The following TNRC6C variants were observed in gnomAD, a reference collection of about 807,000 sequenced individuals.
TNRC6C encodes trinucleotide repeat containing adaptor 6C.
A neutral mutation model predicts 153.7 loss-of-function variants in TNRC6C; 20 were observed. The ratio of observed to expected loss-of-function variants is 0.13; its 90% CI spans 0.09 to 0.19. The LOEUF (loss-of-function observed/expected upper bound fraction) is 0.19, where lower values mean the gene tolerates loss of function less well. Among genes scored for constraint, TNRC6C ranks in the 10% least tolerant of loss-of-function variants. The pLI is 1.00. For synonymous variants in TNRC6C, 811 were observed against 841.4 expected (o/e 0.96, Z 0.63); for missense variants, 1,987 against 2,172.0 (o/e 0.91, Z 1.69).
At chr17:77,989,632 G>T (rs2071220819) in intron 1 of TNRC6C, among the ~76,000 whole-genome samples, 1 of 152,114 alleles carries the variant, frequency 6.6e-6, no homozygotes, top group African/African-American at 2.4e-5. Flanking sequence ...GTTTGTATTT[G>T]TTTACCCACT....
At chr17:78,108,041 G>C (rs554678357) in exon 20 of TNRC6C, 1 of 152,216 alleles carries the variant, frequency 6.6e-6, no homozygotes, top group South Asian at 2.1e-4. Context: ...GACACTGGCC[G>C]TGGCCTTCAG....
chr17:78,000,348 C>G (rs1482709053), upstream of TNRC6C, among the ~76,000 whole-genome samples: 2 of 152,132 alleles, frequency 1.3e-5, no homozygotes, highest in African/African-American at 2.4e-5. Context: ...ACTATTTTGT[C>G]TTATCCTTCT....
chr17:78,077,579 C>A, intron 9 of TNRC6C: 1 of 553,774 alleles, frequency 1.8e-6, no homozygotes, highest in Non-Finnish European at 3.2e-6. Context: ...CTCTCAGCAC[C>A]CTTGGTGCTA....
intron 2 of TNRC6C, among the ~76,000 whole-genome samples, chr17:78,047,637 T>C (rs1426286643): frequency 6.6e-6 from 1 of 152,192 alleles, no homozygotes; most frequent in Non-Finnish European, 1.5e-5. Context: ...GTCCATACGA[T>C]TTTTCTTGTT....
At chr17:77,998,024 T>G (rs2071356511) in intron 1 of TNRC6C, among the ~76,000 whole-genome samples, 1 of 152,322 alleles carries the variant, frequency 6.6e-6, no homozygotes, top group African/African-American at 2.4e-5. Context: ...TTAAAGTTTA[T>G]TTGCAGTACC....
intron 1 of TNRC6C, among the ~76,000 whole-genome samples, chr17:77,994,484 C>T (rs2071298115): frequency 6.6e-6 from 1 of 152,194 alleles, no homozygotes; most frequent in African/African-American, 2.4e-5. Context: ...ACTGAATCCA[C>T]ACAGTTAACA....
rs1489926034 is a variant in TNRC6C at position 78,075,092 on chromosome 17, CACTT to C, written c.2918-43_2918-40del. 2.5e-6 allele frequency: 4 copies of C among 1,602,620 alleles called. No individual in the cohort carries two copies. The highest frequency in any genetic ancestry group is 3.4e-6 in the Non-Finnish European group (4 of 1,174,156). On this transcript the variant is annotated intron_variant, in intron 7 of 19. Coordinates refer to ENST00000301624, the Ensembl canonical transcript of TNRC6C. The surrounding 1 kb of genome is among the most constrained non-coding windows in gnomAD (Gnocchi z 4.2). ...TGGTGCCTATCTTGTGCTCAGCACT[CACTT>C]GTTTTGTTTACAACATTGCTTCTGT...
At chr17:78,089,231 G>A (rs906066785) in intron 13 of TNRC6C, among the ~76,000 whole-genome samples, 1 of 152,016 alleles carries the variant, frequency 6.6e-6, no homozygotes, top group African/African-American at 2.4e-5. Flanking sequence ...GCCTCCCAAA[G>A]TGTTGGGATT....
intron 1 of TNRC6C, among the ~76,000 whole-genome samples, chr17:78,015,423 A>T (rs903370232): frequency 2.2e-4 from 34 of 152,238 alleles, no homozygotes; most frequent in Admixed American, 2.6e-4. Flanking sequence ...ATTTTTACCT[A>T]TAAAAAGTTA....
intron 1 of TNRC6C, among the ~76,000 whole-genome samples, chr17:77,972,263 A>T (rs1267446380): frequency 6.6e-6 from 1 of 152,228 alleles, no homozygotes; most frequent in Admixed American, 6.5e-5. Context: ...CTGAAATCCC[A>T]TCACTTTGGG....
chr17:78,058,005 T>TAAAACAACAGTATTAGTCCAGAGAAA (rs2072693458), intron 3 of TNRC6C, among the ~76,000 whole-genome samples: 2 of 152,202 alleles, frequency 1.3e-5, no homozygotes. Flanking sequence ...ATTCTGGAGA[T>TAAAACAACAGTATTAGTCCAGAGAAA]AAAACAACAG....
At chr17:78,019,281 C>G (rs1598695340) in intron 1 of TNRC6C, among the ~76,000 whole-genome samples, 1 of 152,314 alleles carries the variant, frequency 6.6e-6, no homozygotes, top group East Asian at 1.9e-4. Flanking sequence ...CAAGTTCCTT[C>G]TGTCTTGGTA....
intron 1 of TNRC6C, among the ~76,000 whole-genome samples, chr17:77,986,426 A>AG (rs1555626610): frequency 1.4e-4 from 20 of 141,008 alleles, no homozygotes; most frequent in South Asian, 2.2e-4. Flanking sequence ...AAAAAAAAAA[A>AG]AAGAAGAAGA....
At chr17:77,986,716 C>G (rs1437209773) in intron 1 of TNRC6C, among the ~76,000 whole-genome samples, 1 of 151,998 alleles carries the variant, frequency 6.6e-6, no homozygotes, top group Non-Finnish European at 1.5e-5. Flanking sequence ...GTGGCAGAAG[C>G]GTGCAGTTAT....
At position 78,065,276 on chromosome 17, in the gene TNRC6C, C is replaced by G. The variant is rs565777998; in HGVS notation, c.2611+339C>G. Reference sequence around the variant, plus strand: ...CTATGGTGGGAGAATTGCTTGAGCCCGGGAGGTTAAGACTGCCCTGAGCCA... The same window carrying G: ...CTATGGTGGGAGAATTGCTTGAGCCGGGGAGGTTAAGACTGCCCTGAGCCA... On this transcript the variant is annotated intron_variant, in intron 4 of 19. Coordinates refer to ENST00000301624, the Ensembl canonical transcript of TNRC6C. 2.0e-5 allele frequency among the ~76,000 whole-genome samples: 3 copies of G among 151,730 alleles called. No individual in the cohort carries two copies. In the East Asian group the frequency reaches 5.8e-4, roughly 30 times the overall value.
At chr17:77,995,713 A>G (rs1283571082) in intron 1 of TNRC6C, among the ~76,000 whole-genome samples, 2 of 152,044 alleles carry the variant, frequency 1.3e-5, no homozygotes, top group Admixed American at 6.5e-5. Context: ...ACTTTAGCAC[A>G]TTTAAAGTAC....
At chr17:78,094,879 C>T (rs1430975505) in intron 16 of TNRC6C, among the ~76,000 whole-genome samples, 3 of 152,110 alleles carry the variant, frequency 2.0e-5, no homozygotes, top group Admixed American at 6.5e-5. Context: ...GATGCAGCTG[C>T]GTTTCGGAAC....
In TNRC6C at chr17:78,057,561, G is replaced by A. The variant is rs1006241202; in HGVS notation, c.2395+6104G>A. The stretch of plus-strand genomic sequence containing the variant: ...CAGCAGTCTCAGCACCTGCTGGGCC[G>A]TGCTGCCCACTGGCTTGAATGCCTG... On this transcript the variant is annotated intron_variant, in intron 3 of 19. Transcript: ENST00000301624. Among the ~76,000 whole-genome samples, 6 of 152,338 alleles carry A rather than the reference G, an allele frequency of 3.9e-5. No individual in the cohort carries two copies. The East Asian group carries it at 5.8e-4, about 15-fold the overall frequency.
At chr17:77,997,328 T>TAA (rs376616792) in intron 1 of TNRC6C, among the ~76,000 whole-genome samples, 96 of 152,304 alleles carry the variant, frequency 6.3e-4, no homozygotes, top group African/African-American at 2.2e-3. Flanking sequence ...ATACCTCTCT[T>TAA]ACGATCTCCG....
Sources: allele counts gnomAD v4.1 joint callset (sites outside exome capture counted in the v4.1 genomes callset), GRCh38; gene constraint gnomAD v4.1.1; non-coding constraint Gnocchi (gnomAD v3.1); transcripts MANE v1.5; gene names NCBI Gene and HGNC (gene_info 2026-07-23, HGNC 2026-07-21).